XDH: variants seen among roughly 807,000 people sequenced by gnomAD.
XDH encodes the protein xanthine dehydrogenase/oxidase.
A neutral mutation model predicts 156.1 loss-of-function variants in XDH; 138 were observed. The observed-to-expected ratio is 0.88, with a 90% CI of 0.77 to 1.02. The LOEUF is 1.02. XDH is among the 50% of genes least tolerant of loss of function. The pLI is 0.00. For missense variants in XDH, 1,849 were observed against 1,684.9 expected, an observed-to-expected ratio of 1.10 and a Z score of -1.71; for synonymous variants, 669 against 625.7, an observed-to-expected ratio of 1.07 and a Z score of -1.03.
intron 3 of XDH, 143 bp downstream of exon 3, chr2:31,402,905 T>C: frequency 1.2e-6 from 1 of 869,092 alleles, no homozygotes; most frequent in Non-Finnish European, 1.9e-6. Context: ...CATTCTACAG[T>C]TTTCCTGTGC....
In XDH at chr2:31,366,861, G is replaced by A. The variant is rs1350214005; in HGVS notation, c.2322+9C>T. ...GACAGCCCCTTGAGCTGACCCAAAA[G>A]GCATCTACCTGGGTCTTCATGGTGT... On this transcript the variant is annotated intron_variant, in intron 21 of 35. Transcript: ENST00000379416. The A allele has an allele frequency of 1.2e-6, 2 of 1,613,858 alleles. No homozygotes were observed. The highest frequency in any genetic ancestry group is 1.1e-5 in the South Asian group (1 of 91,060).
chr2:31,411,127 C>T (rs1687330363), intron 1 of XDH, among the ~76,000 whole-genome samples: 1 of 151,624 alleles, frequency 6.6e-6, no homozygotes, highest in Non-Finnish European at 1.5e-5. Flanking sequence ...ACTAAAAATA[C>T]AAAAACTTAG....
intron 6 of XDH, among the ~76,000 whole-genome samples, chr2:31,390,228 T>C (rs970800934): frequency 6.6e-6 from 1 of 152,176 alleles, no homozygotes. Flanking sequence ...GCCTCCATGG[T>C]TTTGTCTTTT....
At chr2:31,404,081 TA>T (rs11302270) in intron 2 of XDH, among the ~76,000 whole-genome samples, 30,965 of 151,838 alleles carry the variant, frequency 0.2, 3,515 homozygotes, top group Middle Eastern at 0.28. Flanking sequence ...CTCACAGATT[TA>T]AAAAAAACAA....
intron 30 of XDH, among the ~76,000 whole-genome samples, 197 bp downstream of exon 30, chr2:31,346,572 T>C (rs551762107): frequency 1.3e-5 from 2 of 152,252 alleles, no homozygotes; most frequent in East Asian, 1.9e-4. Context: ...CCTCCCTCAA[T>C]GATGAAAGCT....
rs1248624060 is a variant in XDH, at chr2:31,373,799, C to T, written c.1686+74G>A. 2.1e-5 allele frequency: 31 copies of T among 1,470,156 alleles called. No homozygotes were observed. In the East Asian group the frequency reaches 2.3e-4, roughly 11 times the overall value. 91.1% of individuals were successfully genotyped at this position (1,470,156 alleles called of 1,614,324 possible). A position where few individuals can be genotyped will look rare whatever the true frequency, so the allele number is the denominator to read the frequency against. ...TATACAATTCAAGTTAGTCATTAGCCGATGGTCAGCCACTAGCCAACTCAT... is the reference window on the plus strand; with the variant it reads ...TATACAATTCAAGTTAGTCATTAGCTGATGGTCAGCCACTAGCCAACTCAT... On this transcript the variant is annotated intron_variant, in intron 16 of 35. Coordinates refer to ENST00000379416, the MANE Select transcript of XDH (RefSeq NM_000379.4).
At chr2:31,347,022 G>C (rs1182720217) in intron 29 of XDH, among the ~76,000 whole-genome samples, 179 bp from the exon 30 acceptor site, 1 of 152,178 alleles carries the variant, frequency 6.6e-6, no homozygotes, top group Non-Finnish European at 1.5e-5. Flanking sequence ...GACAGGACCT[G>C]GCCAATAGGG....
intron 28 of XDH, among the ~76,000 whole-genome samples, chr2:31,347,920 G>C (rs1685346273): frequency 6.6e-6 from 1 of 152,138 alleles, no homozygotes; most frequent in Non-Finnish European, 1.5e-5. Flanking sequence ...CAGTCTCCAT[G>C]CGCCAAGCAG....
At chr2:31,365,427 C>T in intron 23 of XDH, 30 bp downstream of exon 23, 1 of 1,613,188 alleles carries the variant, frequency 6.2e-7, no homozygotes, top group African/African-American at 1.3e-5. Flanking sequence ...ATGGCTCATC[C>T]CGCCCCAGCA....
chr2:31,379,444 T>C (rs1686370792), intron 13 of XDH, among the ~76,000 whole-genome samples: 1 of 152,206 alleles, frequency 6.6e-6, no homozygotes, highest in Non-Finnish European at 1.5e-5. Context: ...CCTCGACAGC[T>C]AGATGTGTTC....
intron 6 of XDH, among the ~76,000 whole-genome samples, chr2:31,393,281 C>A (rs1032198774): frequency 8.5e-5 from 13 of 152,198 alleles, no homozygotes; most frequent in Non-Finnish European, 1.8e-4. Flanking sequence ...TGCAGTTCCA[C>A]CAGATTTGCC....
Position 31,368,042 on chromosome 2 carries a change from T to C in XDH, c.2116A>G (p.Asn706Asp). ...IITIEDAIKN[N>D]SFYGPELKIE... ...TTCAGCTCAGGTCCATAAAAGGAGT[T>C]GTTCTTTATAGCATCCTGAGGATCA... is the stretch of plus-strand genomic sequence containing the variant. The change falls in exon 20 of 36, where the codon AAC becomes GAC. Residue 706 changes from asparagine (N) to aspartate (D), a missense_variant. Transcript: ENST00000379416. 6.2e-7 allele frequency: 1 copy of C among 1,614,166 alleles called. No individual in the cohort carries two copies. Among genetic ancestry groups the C allele is most frequent in the Non-Finnish European group, 8.5e-7 (1 of 1,179,984 alleles).
At chr2:31,337,916 G>C in intron 34 of XDH, 99 bp from the exon 35 acceptor site, 1 of 1,365,938 alleles carries the variant, frequency 7.3e-7, no homozygotes, top group East Asian at 2.5e-5. Context: ...CTCTGCACGA[G>C]GAGGGCTGGT....
Position 31,372,311 on chromosome 2 carries a change from G to A in XDH, c.1773C>T (p.Ala591=), listed in dbSNP as rs145108969. Residue 591 remains alanine (A), a synonymous_variant, in exon 17 of 36, where the codon GCC becomes GCT. Transcript: ENST00000379416. ...LAADMQASGE[A]VYCDDIPRYE... is the part of the protein sequence containing the mutation. ...AGCGAGGAATGTCGTCACAGTACAC[G>A]GCCTCACCAGAGGCCTGCATGTCCG... 4.5e-4 allele frequency: 719 copies of A among 1,614,058 alleles called. 1 individual carries two copies. The highest frequency in any genetic ancestry group is 5.7e-4 in the Non-Finnish European group (671 of 1,180,052).
intron 6 of XDH, among the ~76,000 whole-genome samples, chr2:31,392,925 T>C (rs1686806641): frequency 6.6e-6 from 1 of 152,226 alleles, no homozygotes; most frequent in South Asian, 2.1e-4. Context: ...CTTCAAGCAT[T>C]TGGGGGTTTT....
At chr2:31,363,106 G>T (rs776133264) in intron 24 of XDH, among the ~76,000 whole-genome samples, 26 of 152,172 alleles carry the variant, frequency 1.7e-4, no homozygotes, top group Non-Finnish European at 2.4e-4. Flanking sequence ...GAAGTCAGGA[G>T]TTCGAGACCA....
chr2:31,378,051 A>AAGG (rs1686296896), intron 13 of XDH, among the ~76,000 whole-genome samples: 1 of 117,154 alleles, frequency 8.5e-6, no homozygotes, highest in East Asian at 2.5e-4. Context: ...AAAGAGAAAG[A>AAGG]AAGGAAGAAA....
At position 31,370,386 on chromosome 2, in the gene XDH, C is replaced by G; in HGVS notation, c.1949G>C (p.Cys650Ser). The change falls in exon 18 of 36, where the codon TGT (cysteine) becomes TCT (serine). Residue 650 changes from cysteine (C) to serine (S), a missense_variant. Physicochemically the swap from Cys to Ser is moderately radical, Grantham distance 112. Coordinates refer to ENST00000379416, the MANE Select transcript of XDH (RefSeq NM_000379.4). ...CTTCGCAAAGACTGTCTCATCATTACAAATTCCAGTTATGTTACTCCCAGG... is the reference window on the plus strand; with the variant it reads ...CTTCGCAAAGACTGTCTCATCATTAGAAATTCCAGTTATGTTACTCCCAGG... The part of the protein sequence containing the change: ...DVPGSNITGI[C>S]NDETVFAKDK... 1 of 1,614,186 alleles carries G rather than the reference C, an allele frequency of 6.2e-7. No homozygotes were observed. The highest frequency in any genetic ancestry group is 8.5e-7 in the Non-Finnish European group (1 of 1,180,042).
intron 18 of XDH, among the ~76,000 whole-genome samples, chr2:31,369,411 T>C (rs371283205): frequency 1.3e-5 from 2 of 152,234 alleles, no homozygotes; most frequent in Admixed American, 6.5e-5. Context: ...TCAGAGATAA[T>C]TGTCATCCAA....
Sources: allele counts gnomAD v4.1 joint callset (sites outside exome capture counted in the v4.1 genomes callset), GRCh38; gene constraint gnomAD v4.1.1; transcripts MANE v1.5; gene names NCBI Gene and HGNC (gene_info 2026-07-23, HGNC 2026-07-21).